The following TNIK variants were observed in gnomAD, a reference collection of about 807,000 sequenced individuals.
The protein encoded by TNIK is TRAF2 and NCK interacting kinase, also known as TRAF2 and NCK-interacting protein kinase.
TNIK carries 49 observed loss-of-function variants against 191.3 expected under a neutral mutation model. The ratio of observed to expected loss-of-function variants is 0.26; its 90% CI spans 0.20 to 0.32. The LOEUF (loss-of-function observed/expected upper bound fraction) is 0.32. Among genes scored for constraint, TNIK ranks in the 10% least tolerant of loss-of-function variants. The pLI is 1.00. For missense variants in TNIK, 1,155 were observed against 1,702.3 expected (o/e 0.68, Z 5.66); for synonymous variants, 594 against 600.9 (o/e 0.99, Z 0.17).
chr3:171,132,218 T>A (rs1398321396), intron 15 of TNIK, among the ~76,000 whole-genome samples: 2 of 152,190 alleles, frequency 1.3e-5, no homozygotes, highest in Non-Finnish European at 2.9e-5. Flanking sequence ...TATAAATGAT[T>A]TCACAGTAGA....
intron 24 of TNIK, among the ~76,000 whole-genome samples, chr3:171,087,064 C>T (rs1721451437): frequency 6.6e-6 from 1 of 152,202 alleles, no homozygotes; most frequent in Non-Finnish European, 1.5e-5. Context: ...AGATCTGTCA[C>T]AAACCAGCTG....
intron 2 of TNIK, among the ~76,000 whole-genome samples, chr3:171,237,154 A>G (rs558540226): frequency 1.3e-5 from 2 of 152,270 alleles, no homozygotes; most frequent in South Asian, 2.1e-4. Context: ...GTTCCCAGCT[A>G]TCATTCTTGG....
At position 171,460,297 on chromosome 3, in the gene TNIK, G is replaced by T. The variant is rs1476416247; in HGVS notation, c.-234C>A. 3.4e-6 allele frequency: 2 copies of T among 594,138 alleles called. No homozygotes were observed. Among genetic ancestry groups the T allele is most frequent in the Non-Finnish European group, 5.9e-6 (2 of 338,152 alleles). The allele number at this position is 594,138 out of a possible 1,614,324, so 36.8% of individuals were successfully genotyped here. A position where few individuals can be genotyped will look rare whatever the true frequency, so the allele number is the denominator to read the frequency against. On this transcript the variant is annotated 5_prime_UTR_variant, in exon 1 of 33. Transcript: ENST00000436636. The surrounding 1 kb of genome is among the most constrained non-coding windows in gnomAD (Gnocchi z 6.8). ...ATCTCCAAGCCCCGAGCAGCGGTGC[G>T]TGTGGGCTGAGCGCCCCGATCGGCT...
chr3:171,394,828 T>C (rs992359724), intron 1 of TNIK, among the ~76,000 whole-genome samples: 10 of 152,250 alleles, frequency 6.6e-5, no homozygotes, highest in Non-Finnish European at 1.3e-4. Context: ...GATCAAATAC[T>C]GCCTTTGCCT....
Position 171,460,146 on chromosome 3 carries a change from C to T in TNIK, c.-83G>A. 6.6e-7 allele frequency: 1 copy of T among 1,519,528 alleles called. No homozygotes were observed. The highest frequency in any genetic ancestry group is 8.9e-7 in the Non-Finnish European group (1 of 1,122,554). 94.1% of individuals were successfully genotyped at this position (1,519,528 alleles called of 1,614,324 possible). Reference sequence around the variant, plus strand: ...ATTCCACCTTGGTCTATTTCACTCGCGTCCTCATGCGGGTGTCGCGCCAGA... The same window carrying T: ...ATTCCACCTTGGTCTATTTCACTCGTGTCCTCATGCGGGTGTCGCGCCAGA... On this transcript the variant is annotated 5_prime_UTR_variant, in exon 1 of 33. Coordinates refer to ENST00000436636, the MANE Select transcript of TNIK (RefSeq NM_015028.4). This position sits in a 1 kb window ranked among gnomAD's most constrained non-coding sequence, Gnocchi z 6.8.
intron 2 of TNIK, among the ~76,000 whole-genome samples, chr3:171,337,973 A>G (rs1331016089): frequency 2.0e-5 from 3 of 152,176 alleles, no homozygotes; most frequent in Middle Eastern, 3.2e-3. Flanking sequence ...AGCAGAAGGG[A>G]GAGAAGCTGT....
At chr3:171,303,852 C>T (rs546107637) in intron 2 of TNIK, among the ~76,000 whole-genome samples, 7 of 152,274 alleles carry the variant, frequency 4.6e-5, no homozygotes, top group African/African-American at 1.7e-4. Flanking sequence ...ATGGTCCTAT[C>T]CTCAGAGGAA....
chr3:171,368,620 C>A (rs1380613575), intron 2 of TNIK, among the ~76,000 whole-genome samples: 1 of 152,104 alleles, frequency 6.6e-6, no homozygotes, highest in Admixed American at 6.6e-5. Context: ...AAATGTGTAT[C>A]CACTTAGAAT....
Position 171,217,233 on chromosome 3 carries a change from A to C in TNIK, c.181-5992T>G, listed in dbSNP as rs546506524. Among the ~76,000 whole-genome samples, 16 of 152,270 alleles carry C rather than the reference A, an allele frequency of 1.1e-4. No homozygotes were observed. In the South Asian group the frequency reaches 3.1e-3, roughly 30 times the overall value. ...CTATGCAGCCATAAAAATGAATGGA[A>C]TCATGTCCTTTTCAGTAACATGGTT... On this transcript the variant is annotated intron_variant, in intron 3 of 32. Coordinates refer to ENST00000436636, the MANE Select transcript of TNIK (RefSeq NM_015028.4).
chr3:171,061,823 T>C lies in TNIK; in HGVS notation c.*2058A>G, dbSNP rs753840221. On this transcript the variant is annotated 3_prime_UTR_variant, in exon 33 of 33. Transcript: ENST00000436636. The stretch of plus-strand genomic sequence containing the variant: ...ATTTGTGGCATGGAATTTGAGAAGA[T>C]AGTATTGTTCAGCAGCACAACCACA... The C allele has an allele frequency of 2.0e-5, 3 of 152,184 alleles. No homozygotes were observed. Among genetic ancestry groups the C allele is most frequent in the Admixed American group, 6.5e-5 (1 of 15,272 alleles). 9.4% of individuals were successfully genotyped at this position (152,184 alleles called of 1,614,324 possible).
intron 2 of TNIK, among the ~76,000 whole-genome samples, chr3:171,234,544 T>C (rs1490868838): frequency 2.0e-5 from 3 of 152,194 alleles, no homozygotes; most frequent in Non-Finnish European, 4.4e-5. Context: ...CTTTCAAGAC[T>C]GTTCAGGGGT....
At chr3:171,291,966 C>A (rs1751730377) in intron 2 of TNIK, among the ~76,000 whole-genome samples, 1 of 152,192 alleles carries the variant, frequency 6.6e-6, no homozygotes, top group East Asian at 1.9e-4. Context: ...CATTTATCTT[C>A]AGGTTTACTG....
chr3:171,342,258 A>C (rs925391128), intron 2 of TNIK, among the ~76,000 whole-genome samples: 27 of 152,350 alleles, frequency 1.8e-4, no homozygotes, highest in African/African-American at 6.5e-4. Context: ...GTGGGACCAG[A>C]TAATTTGTAT....
chr3:171,269,705 A>G (rs1223832145), intron 2 of TNIK, among the ~76,000 whole-genome samples: 1 of 152,246 alleles, frequency 6.6e-6, no homozygotes, highest in Non-Finnish European at 1.5e-5. Context: ...AGCTTCCTAC[A>G]TGAAAGACCA....
At chr3:171,260,318 G>T (rs894020908) in intron 2 of TNIK, among the ~76,000 whole-genome samples, 6 of 152,218 alleles carry the variant, frequency 3.9e-5, no homozygotes, top group Admixed American at 3.9e-4. Context: ...AGATGCTATT[G>T]CAATGGTTCC....
chr3:171,263,865 C>G (rs73879522), intron 2 of TNIK, among the ~76,000 whole-genome samples: 1 of 151,458 alleles, frequency 6.6e-6, no homozygotes, highest in African/African-American at 2.4e-5. Context: ...GAGGGCAGGG[C>G]GGGCAGAGGC....
intron 24 of TNIK, 90 bp from the exon 25 acceptor site, chr3:171,085,319 C>G (rs1377110029): frequency 2.4e-6 from 3 of 1,242,944 alleles, no homozygotes; most frequent in African/African-American, 1.5e-5. Flanking sequence ...GTAAAACGAT[C>G]ACAGATTCTT....
chr3:171,367,479 G>GT, intron 2 of TNIK, among the ~76,000 whole-genome samples: 1 of 151,490 alleles, frequency 6.6e-6, no homozygotes, highest in African/African-American at 2.4e-5. Flanking sequence ...TTTTTGGGGG[G>GT]GGGGGGAGGG....
rs1373135452 is a variant in TNIK, at chr3:171,377,363, C to T, written c.58-7678G>A. 4.6e-5 allele frequency among the ~76,000 whole-genome samples: 7 copies of T among 152,238 alleles called. No individual in the cohort carries two copies. In the South Asian group the frequency reaches 1.4e-3, roughly 31 times the overall value. On this transcript the variant is annotated intron_variant, in intron 1 of 32. Coordinates refer to ENST00000436636, the MANE Select transcript of TNIK (RefSeq NM_015028.4). ...TAATGTGCAGCAGCCAGCAGTGACA[C>T]TGCTTTAGATCACCCTCCCCGCTCA...
Sources: gnomAD v4.1 joint callset for allele counts (sites outside exome capture counted in the v4.1 genomes callset) on GRCh38, gnomAD v4.1.1 for gene constraint, Gnocchi (gnomAD v3.1) non-coding constraint, MANE v1.5 for transcripts, NCBI Gene and HGNC (gene_info 2026-07-23, HGNC 2026-07-21) for gene names.